Variants in ATP8A2 observed in about 807,000 individuals in gnomAD.
The protein encoded by ATP8A2 is ATPase phospholipid transporting 8A2.
Under a neutral mutation model 165.6 loss-of-function variants are expected in ATP8A2, and 100 were observed. The observed-to-expected ratio is 0.60, with a 90% CI of 0.51 to 0.71. The LOEUF (loss-of-function observed/expected upper bound fraction) is 0.71, where lower values mean the gene tolerates loss of function less well. ATP8A2 is among the 30% of genes least tolerant of loss of function. The pLI is 0.00. For missense variants in ATP8A2, 1,227 were observed against 1,479.5 expected, an observed-to-expected ratio of 0.83 and a Z score of 2.80; for synonymous variants, 543 against 548.8, an observed-to-expected ratio of 0.99 and a Z score of 0.15.
chr13:25,787,982 C>T (rs2045074122), intron 27 of ATP8A2, among the ~76,000 whole-genome samples: 1 of 152,200 alleles, frequency 6.6e-6, no homozygotes, highest in Non-Finnish European at 1.5e-5. Flanking sequence ...TGCCAGGACC[C>T]ACAGACATGG....
intron 27 of ATP8A2, among the ~76,000 whole-genome samples, chr13:25,815,525 T>G (rs79426617): frequency 6.6e-6 from 1 of 152,092 alleles, no homozygotes; most frequent in African/African-American, 2.4e-5. Context: ...CTATTATCAA[T>G]AGAAAACAAA....
intron 2 of ATP8A2, among the ~76,000 whole-genome samples, chr13:25,503,782 A>T (rs2036933750): frequency 6.6e-6 from 1 of 152,186 alleles, no homozygotes. Flanking sequence ...CTGAATCCTT[A>T]ATGGCAAGTT....
intron 25 of ATP8A2, among the ~76,000 whole-genome samples, chr13:25,749,061 TAGC>T (rs1002978595): frequency 1.3e-5 from 2 of 152,228 alleles, no homozygotes; most frequent in Admixed American, 6.5e-5. Flanking sequence ...AGATAGCAGA[TAGC>T]AGAATAGTTT....
In ATP8A2 at chr13:25,604,389, T is replaced by C. The variant is rs527676568; in HGVS notation, c.2211+14690T>C. 1.7e-3 allele frequency among the ~76,000 whole-genome samples: 262 copies of C among 152,194 alleles called. 1 individual carries two copies. Among genetic ancestry groups the C allele is most frequent in the Non-Finnish European group, 3.2e-3 (220 of 68,004 alleles). On this transcript the variant is annotated intron_variant, in intron 24 of 36. Coordinates refer to ENST00000381655, the MANE Select transcript of ATP8A2 (RefSeq NM_016529.6). ...GCTTGATTGGAGTGAGTGCAAGGAA[T>C]TGGGTGGAGAACAACTGGAGAAAAC...
At chr13:25,401,247 G>A (rs1041062373) in intron 1 of ATP8A2, among the ~76,000 whole-genome samples, 1 of 152,100 alleles carries the variant, frequency 6.6e-6, no homozygotes, top group Non-Finnish European at 1.5e-5. Context: ...GGATGCAAAA[G>A]CCCTTTAAAA....
intron 33 of ATP8A2, among the ~76,000 whole-genome samples, chr13:25,941,536 G>A (rs565407342): frequency 7.2e-5 from 11 of 152,240 alleles, no homozygotes; most frequent in African/African-American, 2.6e-4. Flanking sequence ...CCCCACACAG[G>A]CGTCTCTTCC....
intron 1 of ATP8A2, among the ~76,000 whole-genome samples, chr13:25,402,476 T>C (rs1299567825): frequency 1.3e-5 from 2 of 152,178 alleles, no homozygotes; most frequent in African/African-American, 2.4e-5. Context: ...AAAAATAGCA[T>C]CGTTTCTTTT....
intron 27 of ATP8A2, among the ~76,000 whole-genome samples, chr13:25,796,371 C>T (rs147082729): frequency 1.1e-3 from 165 of 152,330 alleles, no homozygotes; most frequent in African/African-American, 3.8e-3. Context: ...TGCTGGAAAT[C>T]ATTCAATAAG....
chr13:25,734,281 G>A (rs892830162), intron 25 of ATP8A2, among the ~76,000 whole-genome samples: 1 of 152,192 alleles, frequency 6.6e-6, no homozygotes, highest in Non-Finnish European at 1.5e-5. Context: ...AAGGCTCTGT[G>A]TCCAGCTGGG....
intron 35 of ATP8A2, among the ~76,000 whole-genome samples, chr13:25,988,863 T>G (rs1208024512): frequency 6.6e-6 from 1 of 152,262 alleles, no homozygotes; most frequent in Non-Finnish European, 1.5e-5. Flanking sequence ...GAGATTGTTC[T>G]ATTTGCAATT....
intron 24 of ATP8A2, among the ~76,000 whole-genome samples, chr13:25,684,493 C>T (rs1281519063): frequency 2.6e-5 from 4 of 152,170 alleles, no homozygotes; most frequent in Admixed American, 6.5e-5. Context: ...ATATCGAGTT[C>T]GTCCACTGTT....
intron 30 of ATP8A2, among the ~76,000 whole-genome samples, chr13:25,848,519 T>C (rs1951927882): frequency 6.6e-6 from 1 of 152,218 alleles, no homozygotes; most frequent in South Asian, 2.1e-4. Context: ...CAAGTTTACT[T>C]TGCGTCATTT....
chr13:25,507,832 A>G (rs1049263579), intron 2 of ATP8A2, among the ~76,000 whole-genome samples: 5 of 152,222 alleles, frequency 3.3e-5, no homozygotes, highest in Non-Finnish European at 5.9e-5. Context: ...AAAACTTGAT[A>G]TACAAATGAG....
intron 25 of ATP8A2, among the ~76,000 whole-genome samples, chr13:25,719,467 G>GTGGATGGATGGA (rs1193366855): frequency 6.7e-6 from 1 of 150,134 alleles, no homozygotes; most frequent in African/African-American, 2.5e-5. Context: ...GGGTGGATGG[G>GTGGATGGATGGA]TGGATGGATG....
intron 2 of ATP8A2, among the ~76,000 whole-genome samples, chr13:25,478,779 A>G (rs1489012683): frequency 2.0e-5 from 3 of 152,040 alleles, no homozygotes; most frequent in Admixed American, 6.6e-5. Context: ...TTGAGAGTGG[A>G]CCTAACTCTC....
chr13:25,528,486 C>T (rs556721762), intron 2 of ATP8A2, among the ~76,000 whole-genome samples: 4 of 152,282 alleles, frequency 2.6e-5, no homozygotes, highest in Admixed American at 6.5e-5. Flanking sequence ...CAAATGACCT[C>T]TGGCTGCTAT....
chr13:25,821,862 G>A (rs1951190072), intron 27 of ATP8A2, among the ~76,000 whole-genome samples: 1 of 152,172 alleles, frequency 6.6e-6, no homozygotes, highest in Non-Finnish European at 1.5e-5. Flanking sequence ...TGTCTCCTCA[G>A]AGGCAAAATC....
intron 24 of ATP8A2, among the ~76,000 whole-genome samples, chr13:25,640,409 T>A (rs2041486862): frequency 6.6e-6 from 1 of 152,050 alleles, no homozygotes; most frequent in Non-Finnish European, 1.5e-5. Flanking sequence ...CAATAAAAAA[T>A]GATAAAGGGG....
chr13:25,925,872 C>T (rs1431456320), intron 33 of ATP8A2, among the ~76,000 whole-genome samples: 3 of 151,734 alleles, frequency 2.0e-5, no homozygotes, highest in Non-Finnish European at 1.5e-5. Flanking sequence ...GGACTACAGG[C>T]GCGCCACCAT....
Sources: allele counts gnomAD v4.1 joint callset (sites outside exome capture counted in the v4.1 genomes callset), GRCh38; gene constraint gnomAD v4.1.1; transcripts MANE v1.5; gene names NCBI Gene and HGNC (gene_info 2026-07-23, HGNC 2026-07-21).